WAC: variants seen among roughly 807,000 people sequenced by gnomAD.
The protein encoded by WAC is WW domain-containing adapter protein with coiled-coil.
A neutral mutation model predicts 79.6 loss-of-function variants in WAC; 11 were observed. The ratio of observed to expected loss-of-function variants is 0.14; its 90% confidence interval spans 0.09 to 0.23. The LOEUF (loss-of-function observed/expected upper bound fraction) is 0.23. Among genes scored for constraint, WAC ranks in the 10% least tolerant of loss-of-function variants. The pLI, the probability that WAC is intolerant of heterozygous loss-of-function variation, is 1.00. For synonymous variants in WAC, 304 were observed against 276.9 expected (o/e 1.10, Z -0.97); for missense variants, 728 against 773.5 (o/e 0.94, Z 0.70).
rs1317573082 is a variant in WAC at position 28,619,657 on chromosome 10, G to C, written c.*51G>C. On this transcript the variant is annotated 3_prime_UTR_variant, in exon 14 of 14. Transcript: ENST00000354911. ...TGAGAACAGGAACTGTAAATCTGTT[G>C]CCCAATCTTAACATTTTTGAGCTGC... The C allele has an allele frequency of 6.8e-7, 1 of 1,467,682 alleles. No homozygotes were observed. Among genetic ancestry groups the C allele is most frequent in the Admixed American group, 2.6e-5 (1 of 38,028 alleles). 90.9% of individuals were successfully genotyped at this position (1,467,682 alleles called of 1,614,324 possible).
chr10:28,615,900 G>T (rs1294871795), intron 11 of WAC: 3 of 314,522 alleles, frequency 9.5e-6, no homozygotes, highest in Non-Finnish European at 1.7e-5. Context: ...AGTGTTTGTG[G>T]TACACAAAGT....
In WAC at chr10:28,608,406, T is replaced by C. The variant is rs1455054917; in HGVS notation, c.1140T>C (p.Asn380=). The change falls in exon 8 of 14, where the codon AAT becomes AAC. Residue 380 remains asparagine (N), a synonymous_variant. Coordinates refer to ENST00000354911, the MANE Select transcript of WAC (RefSeq NM_016628.5). ...LQATLQLNNS[N]VDISKINEVL... is the part of the protein sequence containing the mutation. The stretch of plus-strand genomic sequence containing the variant: ...CCACGCTGCAGCTTAATAATTCTAA[T>C]GTGGACATATCTAAAATAAATGAAG... The C allele has an allele frequency of 5.6e-6, 9 of 1,605,506 alleles. No individual in the cohort carries two copies. In the East Asian group the frequency reaches 1.1e-4, roughly 20 times the overall value.
intron 3 of WAC, among the ~76,000 whole-genome samples, chr10:28,551,990 C>A (rs939668743): frequency 6.6e-6 from 1 of 152,050 alleles, no homozygotes; most frequent in African/African-American, 2.4e-5. Context: ...CGACGCCCAA[C>A]TAATATTTGT....
At chr10:28,584,512 A>T (rs1589197797) in intron 4 of WAC, among the ~76,000 whole-genome samples, 1 of 152,172 alleles carries the variant, frequency 6.6e-6, no homozygotes, top group Admixed American at 6.5e-5. Context: ...GAAGGATATA[A>T]TCAGTAAAAT....
At chr10:28,541,140 A>G (rs1057511265) in intron 3 of WAC, among the ~76,000 whole-genome samples, 3 of 152,164 alleles carry the variant, frequency 2.0e-5, no homozygotes, top group African/African-American at 7.2e-5. Flanking sequence ...CTAGTTGTGC[A>G]GGAAGTATTT....
chr10:28,545,832 C>G (rs534700713), intron 3 of WAC, among the ~76,000 whole-genome samples: 31 of 152,220 alleles, frequency 2.0e-4, no homozygotes, highest in Non-Finnish European at 3.5e-4. Flanking sequence ...TCTGGAGCCA[C>G]TGGTGTTACT....
In WAC at chr10:28,612,047, G is replaced by A. The variant is rs187161870; in HGVS notation, c.1437+125G>A. 472 of 1,182,426 alleles carry A rather than the reference G, an allele frequency of 4.0e-4. 8 individuals are homozygous for A. The East Asian group carries it at 4.6e-3, about 12-fold the overall frequency. 73.2% of individuals were successfully genotyped at this position (1,182,426 alleles called of 1,614,324 possible). On this transcript the variant is annotated intron_variant, in intron 10 of 13. Transcript: ENST00000354911. Reference sequence around the variant, plus strand: ...GGTGTAGTGGTGGAATGAATGACAGGTATGATAGTAGATGCAGCCTAGAAT... The same window carrying A: ...GGTGTAGTGGTGGAATGAATGACAGATATGATAGTAGATGCAGCCTAGAAT...
At chr10:28,616,829 A>G (rs1340861180) in intron 12 of WAC, among the ~76,000 whole-genome samples, 7 of 152,182 alleles carry the variant, frequency 4.6e-5, no homozygotes, top group East Asian at 1.9e-4. Flanking sequence ...TGTAATCCCA[A>G]CACTTTGGGA....
At chr10:28,554,051 A>C (rs1346939942) in intron 3 of WAC, among the ~76,000 whole-genome samples, 1 of 151,968 alleles carries the variant, frequency 6.6e-6, no homozygotes, top group African/African-American at 2.4e-5. Context: ...ATTTTTAGTA[A>C]GAGATGGGGT....
At chr10:28,551,046 C>G (rs1197144275) in intron 3 of WAC, among the ~76,000 whole-genome samples, 2 of 152,134 alleles carry the variant, frequency 1.3e-5, no homozygotes, top group African/African-American at 2.4e-5. Context: ...TCATATCTCA[C>G]TAGCTAAGGA....
chr10:28,611,878 A>G lies in WAC; in HGVS notation c.1393A>G (p.Ile465Val), dbSNP rs368043112. 73 of 1,614,174 alleles carry G rather than the reference A, an allele frequency of 4.5e-5. No homozygotes were observed. The highest frequency in any genetic ancestry group is 5.8e-5 in the Non-Finnish European group (68 of 1,180,022). ...ISTPQTNTVP[I>V]KPLISTPPVS... The stretch of plus-strand genomic sequence containing the variant: ...CACACCTCAAACTAACACAGTCCCT[A>G]TCAAACCTTTGATCAGTACTCCTCC... Residue 465 changes from isoleucine to valine, a missense_variant, in exon 10 of 14, where the codon ATC becomes GTC. This residue lies in a region of WAC where 648 missense variants were observed against 661.5 expected (regional missense o/e 0.98). Transcript: ENST00000354911.
In WAC at chr10:28,622,641, A is replaced by G. The variant is rs1841734251; in HGVS notation, c.*3035A>G. On this transcript the variant is annotated 3_prime_UTR_variant, in exon 14 of 14. Transcript: ENST00000354911. ...ACATGCTTCAGCCCTGTTTCAAGACATTATGCTTCTTTTAACAGTCCAAAT... is the reference window on the plus strand; with the variant it reads ...ACATGCTTCAGCCCTGTTTCAAGACGTTATGCTTCTTTTAACAGTCCAAAT... 6.6e-6 allele frequency: 1 copy of G among 152,178 alleles called. No homozygotes were observed. The highest frequency in any genetic ancestry group is 2.1e-4 in the South Asian group (1 of 4,816). 9.4% of individuals were successfully genotyped at this position (152,178 alleles called of 1,614,324 possible). A position where few individuals can be genotyped will look rare whatever the true frequency, so the allele number is the denominator to read the frequency against.
intron 2 of WAC, among the ~76,000 whole-genome samples, chr10:28,534,857 CTTTA>C (rs936225056): frequency 2.0e-5 from 3 of 152,196 alleles, no homozygotes; most frequent in African/African-American, 7.2e-5. Flanking sequence ...AAAAATTAAA[CTTTA>C]CTGAATCTGT....
intron 8 of WAC, among the ~76,000 whole-genome samples, chr10:28,610,229 C>T (rs1170157636): frequency 1.3e-5 from 2 of 152,072 alleles, no homozygotes; most frequent in African/African-American, 2.4e-5. Context: ...CCGGCCAATA[C>T]TCCCTTTTTT....
rs377502318 is a variant in WAC, at chr10:28,608,385, G to A, written c.1119G>A (p.Thr373=). 115 of 1,612,550 alleles carry A rather than the reference G, an allele frequency of 7.1e-5. No individual in the cohort carries two copies. The highest frequency in any genetic ancestry group is 2.5e-4 in the Admixed American group (15 of 59,710). ...LRQLLPALQA[T]LQLNNSNVDI... is the part of the protein sequence containing the mutation. Reference sequence around the variant, plus strand: ...AATTGCTTCCTGCTTTGCAAGCCACGCTGCAGCTTAATAATTCTAATGTGG... The same window carrying A: ...AATTGCTTCCTGCTTTGCAAGCCACACTGCAGCTTAATAATTCTAATGTGG... The change falls in exon 8 of 14, where the codon ACG becomes ACA. Residue 373 remains threonine, a synonymous_variant. Coordinates refer to ENST00000354911, the MANE Select transcript of WAC (RefSeq NM_016628.5).
rs41283726 is a variant in WAC, at chr10:28,616,512, A to G, written c.1746+150A>G. ...TGTAGTCATTTAAAAAATATTTGATATATAAGATAACTTTTCTGGTTTTAC... is the reference window on the plus strand; with the variant it reads ...TGTAGTCATTTAAAAAATATTTGATGTATAAGATAACTTTTCTGGTTTTAC... On this transcript the variant is annotated intron_variant, in intron 12 of 13. Transcript: ENST00000354911. 3.8e-3 allele frequency: 2,900 copies of G among 767,934 alleles called. 14 individuals are homozygous for G. The highest frequency in any genetic ancestry group is 4.7e-3 in the Non-Finnish European group (2,470 of 525,350). The allele number at this position is 767,934 out of a possible 1,614,324, so 47.6% of individuals were successfully genotyped here.
In WAC at chr10:28,533,725, C is replaced by G. The variant is rs952897258; in HGVS notation, c.41+105C>G. The G allele has an allele frequency of 5.8e-6, 8 of 1,373,506 alleles. No individual in the cohort carries two copies. The Admixed American group carries it at 8.4e-5, about 14-fold the overall frequency. The allele number at this position is 1,373,506 out of a possible 1,614,324, so 85.1% of individuals were successfully genotyped here. On this transcript the variant is annotated intron_variant, in intron 1 of 13. Transcript: ENST00000354911. ...CCGGGCCGCCATTTTTGTTGTTAACCCTGATCCGGATCGGGTTGGGGAGGA... is the reference window on the plus strand; with the variant it reads ...CCGGGCCGCCATTTTTGTTGTTAACGCTGATCCGGATCGGGTTGGGGAGGA...
At chr10:28,555,158 C>T (rs1273930574) in intron 3 of WAC, among the ~76,000 whole-genome samples, 1 of 152,116 alleles carries the variant, frequency 6.6e-6, no homozygotes, top group Non-Finnish European at 1.5e-5. Flanking sequence ...GCTTTCCAAC[C>T]TTCTACTCTT....
At chr10:28,533,926 C>T (rs1223716752) in intron 1 of WAC, 72 bp from the exon 2 acceptor site, 64 of 1,567,230 alleles carry the variant, frequency 4.1e-5, no homozygotes, top group South Asian at 1.1e-5. Flanking sequence ...CGGCGGGGGC[C>T]CCGTTTTCTT....
Sources: allele counts gnomAD v4.1 joint callset (sites outside exome capture counted in the v4.1 genomes callset), GRCh38; gene constraint gnomAD v4.1.1; regional missense constraint gnomAD v4.1.1; transcripts MANE v1.5; gene names NCBI Gene and HGNC (gene_info 2026-07-23, HGNC 2026-07-21).